LHFPL3: variants seen among roughly 807,000 people sequenced by gnomAD.
The protein encoded by LHFPL3 is LHFPL tetraspan subfamily member 3 protein.
A neutral mutation model predicts 19.3 loss-of-function variants in LHFPL3; 5 were observed. The observed-to-expected ratio is 0.26, with a 90% confidence interval of 0.14 to 0.54. The LOEUF (loss-of-function observed/expected upper bound fraction) is 0.54. Ranked by LOEUF, LHFPL3 falls within the 20% of genes least tolerant of loss-of-function variation. The pLI, the probability that LHFPL3 is intolerant of heterozygous loss-of-function variation, is 0.94. For missense variants in LHFPL3, 249 were observed against 307.4 expected (o/e 0.81, Z 1.42); for synonymous variants, 133 against 126.2 (o/e 1.05, Z -0.36).
chr7:104,619,058 A>C (rs149238489), intron 1 of LHFPL3, among the ~76,000 whole-genome samples: 1 of 152,246 alleles, frequency 6.6e-6, no homozygotes, highest in Non-Finnish European at 1.5e-5. Flanking sequence ...TTGGGGTTTC[A>C]TGAGACAGGA....
chr7:104,366,015 AG>A (rs1165359571), intron 1 of LHFPL3, among the ~76,000 whole-genome samples: 4 of 152,204 alleles, frequency 2.6e-5, no homozygotes, highest in African/African-American at 7.2e-5. Context: ...CACCAGGACC[AG>A]GGATGAGGAC....
At chr7:104,752,911 A>G (rs1313123530) in intron 2 of LHFPL3, 1 of 336,976 alleles carries the variant, frequency 3.0e-6, no homozygotes, top group Non-Finnish European at 5.3e-6. Flanking sequence ...TCTACCATCA[A>G]TATCTTACAT....
chr7:104,494,703 C>T (rs570613589), intron 1 of LHFPL3, among the ~76,000 whole-genome samples: 7 of 152,244 alleles, frequency 4.6e-5, no homozygotes, highest in Middle Eastern at 3.4e-3. Context: ...GCCACATCTC[C>T]CTTCCTTGCT....
At chr7:104,394,673 A>G (rs373945653) in intron 1 of LHFPL3, among the ~76,000 whole-genome samples, 3 of 151,808 alleles carry the variant, frequency 2.0e-5, no homozygotes, top group African/African-American at 7.3e-5. Context: ...AAGGCAATTG[A>G]CATTAGTTTG....
intron 2 of LHFPL3, among the ~76,000 whole-genome samples, chr7:104,751,526 T>C (rs1440053663): frequency 2.0e-5 from 3 of 150,986 alleles, no homozygotes; most frequent in Admixed American, 6.6e-5. Context: ...AACTGGAGGA[T>C]TGGCAGCCCT....
intron 2 of LHFPL3, among the ~76,000 whole-genome samples, chr7:104,792,222 G>A (rs1790036622): frequency 6.6e-6 from 1 of 152,114 alleles, no homozygotes; most frequent in African/African-American, 2.4e-5. Flanking sequence ...AGCCGTCTTG[G>A]GAGGGAAAAT....
intron 2 of LHFPL3, among the ~76,000 whole-genome samples, chr7:104,806,406 AT>A (rs1476511301): frequency 2.6e-5 from 4 of 152,328 alleles, no homozygotes; most frequent in African/African-American, 7.2e-5. Flanking sequence ...ATCTCTGCAG[AT>A]TTCTAAACCA....
chr7:104,743,314 T>C (rs1186778070), intron 2 of LHFPL3, among the ~76,000 whole-genome samples: 1 of 152,068 alleles, frequency 6.6e-6, no homozygotes, highest in Non-Finnish European at 1.5e-5. Flanking sequence ...CCTCACTGGA[T>C]TCTGATACCA....
intron 1 of LHFPL3, among the ~76,000 whole-genome samples, chr7:104,601,650 A>T (rs906148603): frequency 1.3e-5 from 2 of 152,198 alleles, no homozygotes; most frequent in African/African-American, 4.8e-5. Flanking sequence ...GGTTTTGGAC[A>T]TCTTATTGCC....
intron 1 of LHFPL3, among the ~76,000 whole-genome samples, chr7:104,446,471 G>A (rs1001863750): frequency 1.3e-5 from 2 of 152,092 alleles, no homozygotes; most frequent in Non-Finnish European, 2.9e-5. Flanking sequence ...CAGTGTATAT[G>A]TTTTTTCTGT....
intron 1 of LHFPL3, among the ~76,000 whole-genome samples, chr7:104,429,253 C>T (rs1791903823): frequency 6.7e-6 from 1 of 150,224 alleles, no homozygotes; most frequent in Non-Finnish European, 1.5e-5. Flanking sequence ...ATTTAACCTC[C>T]TGGGAAAGAT....
At chr7:104,737,270 C>T (rs1440837843) in intron 2 of LHFPL3, among the ~76,000 whole-genome samples, 3 of 151,980 alleles carry the variant, frequency 2.0e-5, no homozygotes, top group Non-Finnish European at 2.9e-5. Context: ...AGTACTTTCT[C>T]TCCATGTATT....
chr7:104,438,302 C>G, intron 1 of LHFPL3, among the ~76,000 whole-genome samples: 1 of 152,162 alleles, frequency 6.6e-6, no homozygotes, highest in Non-Finnish European at 1.5e-5. Flanking sequence ...GGTGTTTTCT[C>G]TGTAATCTTA....
chr7:104,471,581 G>T (rs1792906630), intron 1 of LHFPL3, among the ~76,000 whole-genome samples: 1 of 152,168 alleles, frequency 6.6e-6, no homozygotes, highest in Admixed American at 6.5e-5. Context: ...AAAGCCTGTG[G>T]TCTTGAAAAT....
intron 2 of LHFPL3, among the ~76,000 whole-genome samples, chr7:104,819,108 T>C (rs1457924529): frequency 2.0e-5 from 3 of 152,178 alleles, no homozygotes; most frequent in Non-Finnish European, 4.4e-5. Flanking sequence ...CTTGATTTAA[T>C]ATAAGCTTAA....
At chr7:104,568,655 G>A (rs1790167899) in intron 1 of LHFPL3, among the ~76,000 whole-genome samples, 1 of 152,138 alleles carries the variant, frequency 6.6e-6, no homozygotes, top group South Asian at 2.1e-4. Context: ...ACTCCTGATT[G>A]CAGCCTATAT....
At chr7:104,564,211 C>G (rs1400567150) in intron 1 of LHFPL3, among the ~76,000 whole-genome samples, 2 of 152,210 alleles carry the variant, frequency 1.3e-5, no homozygotes, top group African/African-American at 4.8e-5. Flanking sequence ...ATGCCCATAA[C>G]ACCATGTTAT....
chr7:104,603,125 T>TCC (rs1562947511), intron 1 of LHFPL3, among the ~76,000 whole-genome samples: 132 of 131,880 alleles, frequency 1.0e-3, no homozygotes, highest in Middle Eastern at 3.9e-3. Flanking sequence ...TTTCTTTCTT[T>TCC]CTTTCTTTTT....
intron 2 of LHFPL3, among the ~76,000 whole-genome samples, chr7:104,841,879 G>A (rs1791217396): frequency 6.6e-6 from 1 of 152,014 alleles, no homozygotes; most frequent in South Asian, 2.1e-4. Flanking sequence ...GGAGGTCTCA[G>A]GGCAAATAAG....
Sources: allele counts gnomAD v4.1 joint callset (sites outside exome capture counted in the v4.1 genomes callset), GRCh38; gene constraint gnomAD v4.1.1; transcripts MANE v1.5; gene names NCBI Gene and HGNC (gene_info 2026-07-23, HGNC 2026-07-21).